EYS: variants seen among roughly 807,000 people sequenced by gnomAD.
EYS encodes the protein EGF-like photoreceptor maintenance factor.
Under a neutral mutation model 282.1 loss-of-function variants are expected in EYS, and 250 were observed. The ratio of observed to expected loss-of-function variants is 0.89; its 90% confidence interval spans 0.80 to 0.98. The LOEUF is 0.98. EYS is among the 50% of genes least tolerant of loss of function. EYS has a pLI of 0.00. For missense variants in EYS, 4,016 were observed against 3,709.0 expected (o/e 1.08, Z -2.15); for synonymous variants, 1,355 against 1,282.9 (o/e 1.06, Z -1.20).
chr6:64,020,687 A>G (rs965406705), intron 33 of EYS, among the ~76,000 whole-genome samples: 1 of 152,196 alleles, frequency 6.6e-6, no homozygotes, highest in Non-Finnish European at 1.5e-5. Context: ...TACTTATGAT[A>G]AAAAGAAATA....
At chr6:64,359,548 G>T (rs1041832695) in intron 29 of EYS, among the ~76,000 whole-genome samples, 1 of 151,568 alleles carries the variant, frequency 6.6e-6, no homozygotes, top group Non-Finnish European at 1.5e-5. Context: ...CAGTTCTTCG[G>T]CATCTGTAAC....
chr6:64,592,991 A>T (rs1766458023), intron 25 of EYS, 126 bp downstream of exon 25: 2 of 643,828 alleles, frequency 3.1e-6, no homozygotes, highest in African/African-American at 1.9e-5. Flanking sequence ...AATAATGCTT[A>T]ATTTTACACC....
rs899983170 is a variant in EYS at position 65,572,636 on chromosome 6, G to A, written c.-333+67142C>T. 3.9e-5 allele frequency among the ~76,000 whole-genome samples: 6 copies of A among 152,030 alleles called. No homozygotes were observed. In the East Asian group the frequency reaches 9.7e-4, roughly 24 times the overall value. ...TATAAGATGGTGATCAGAGCAACAGGCGATACCATGTAGTCTAGGTATGTA... is the reference window on the plus strand; with the variant it reads ...TATAAGATGGTGATCAGAGCAACAGACGATACCATGTAGTCTAGGTATGTA... On this transcript the variant is annotated intron_variant, in intron 2 of 42. Transcript: ENST00000503581.
rs149330407 is a variant in EYS, at chr6:65,287,653, C to T, written c.2023+8210G>A. 4.3e-3 allele frequency among the ~76,000 whole-genome samples: 652 copies of T among 151,324 alleles called. 2 individuals are homozygous for T. Among genetic ancestry groups the T allele is most frequent in the African/African-American group, 0.014 (582 of 41,438 alleles). On this transcript the variant is annotated intron_variant, in intron 12 of 42. Transcript: ENST00000503581. The stretch of plus-strand genomic sequence containing the variant: ...GATTCTGAAAAAAAACGAAACAAAA[C>T]GTGTTGTACTAAAGAGCTGCCATCT...
intron 26 of EYS, among the ~76,000 whole-genome samples, chr6:64,549,969 G>A (rs960637456): frequency 3.3e-5 from 5 of 151,986 alleles, no homozygotes; most frequent in Admixed American, 1.3e-4. Flanking sequence ...TCCCACCTAT[G>A]AGGGAGAACA....
intron 4 of EYS, among the ~76,000 whole-genome samples, chr6:65,492,349 AG>A (rs1441764447): frequency 4.7e-4 from 71 of 152,034 alleles, no homozygotes; most frequent in African/African-American, 1.6e-3. Context: ...ACAAACAAAG[AG>A]AAAGAAAGAA....
In EYS at chr6:64,634,547, CA is replaced by C. The variant is rs57871928; in HGVS notation, c.3444-8303del. On this transcript the variant is annotated intron_variant, in intron 22 of 42. Coordinates refer to ENST00000503581, the MANE Select transcript of EYS (RefSeq NM_001142800.2). ...ATACTCAGTAAGATACCCTAGCTTCCAAAAAAAAAAAAAAAGAGCCCTAAGG... is the reference window on the plus strand; with the variant it reads ...ATACTCAGTAAGATACCCTAGCTTCCAAAAAAAAAAAAAAGAGCCCTAAGG... Among the ~76,000 whole-genome samples the C allele has an allele frequency of 8.1e-4, 114 of 141,330 alleles. 1 individual carries two copies. The highest frequency in any genetic ancestry group is 3.8e-3 in the Middle Eastern group (1 of 266). The allele number at this position is 141,330 out of a possible 152,430, so 92.7% of individuals were successfully genotyped here.
intron 19 of EYS, among the ~76,000 whole-genome samples, chr6:64,841,082 A>G (rs1216072313): frequency 6.6e-6 from 1 of 152,116 alleles, no homozygotes; most frequent in Non-Finnish European, 1.5e-5. Context: ...ATCAAATTTT[A>G]CAGCCAAAGA....
At chr6:64,404,855 G>A (rs530301496) in intron 28 of EYS, among the ~76,000 whole-genome samples, 2 of 152,182 alleles carry the variant, frequency 1.3e-5, no homozygotes, top group South Asian at 2.1e-4. Context: ...AACGTAAGAA[G>A]GCATGAGTTG....
At chr6:64,122,004 G>A (rs75678956) in intron 31 of EYS, among the ~76,000 whole-genome samples, 7,439 of 152,032 alleles carry the variant, frequency 0.049, 560 homozygotes, top group African/African-American at 0.16. Flanking sequence ...ATTACTATTA[G>A]CATTATATTT....
intron 8 of EYS, among the ~76,000 whole-genome samples, chr6:65,364,274 T>C (rs4425574): frequency 0.68 from 100,282 of 148,542 alleles, 34,084 homozygotes; most frequent in South Asian, 0.71. Context: ...TTTTTCAATT[T>C]ATGGTAGAAC....
At chr6:64,870,140 G>A (rs986646744) in intron 19 of EYS, among the ~76,000 whole-genome samples, 3 of 151,528 alleles carry the variant, frequency 2.0e-5, no homozygotes, top group African/African-American at 7.3e-5. Flanking sequence ...CTTTACACAA[G>A]ATGAGTAGGA....
At chr6:63,776,752 A>G (rs190617357) in intron 40 of EYS, among the ~76,000 whole-genome samples, 1 of 152,256 alleles carries the variant, frequency 6.6e-6, no homozygotes, top group Non-Finnish European at 1.5e-5. Flanking sequence ...CACATGGAAT[A>G]ACGTAGGGTG....
At chr6:64,484,464 A>G (rs1776525185) in intron 26 of EYS, among the ~76,000 whole-genome samples, 2 of 151,582 alleles carry the variant, frequency 1.3e-5, no homozygotes, top group South Asian at 4.1e-4. Context: ...GCCCACTCCA[A>G]CGCTTTAACT....
At chr6:64,807,748 G>A (rs1406798692) in intron 22 of EYS, among the ~76,000 whole-genome samples, 1 of 152,000 alleles carries the variant, frequency 6.6e-6, no homozygotes, top group Non-Finnish European at 1.5e-5. Flanking sequence ...CCTGAAGTAT[G>A]GTTATAGAAT....
In EYS at chr6:63,721,616, T is replaced by G; in HGVS notation, c.8415A>C (p.Thr2805=). The G allele has an allele frequency of 6.4e-7, 1 of 1,551,460 alleles. No individual in the cohort carries two copies. The highest frequency in any genetic ancestry group is 8.7e-7 in the Non-Finnish European group (1 of 1,146,660). The change falls in exon 43 of 43, where the codon ACA becomes ACC. Residue 2805 remains threonine, a synonymous_variant. Coordinates refer to ENST00000503581, the MANE Select transcript of EYS (RefSeq NM_001142800.2). ...GYLDLDGINV[T]EKASTKMSSL... ...AACTCATTTTAGTGGAGGCCTTTTC[T>G]GTTACATTTATCCCATCTAGATCCA... is the stretch of plus-strand genomic sequence containing the variant.
chr6:63,911,230 A>C (rs1184572957), intron 35 of EYS, among the ~76,000 whole-genome samples: 1 of 152,180 alleles, frequency 6.6e-6, no homozygotes, highest in Non-Finnish European at 1.5e-5. Flanking sequence ...ACGCCAATAA[A>C]AATCTGAGGT....
chr6:64,662,392 A>T (rs1355526514), intron 22 of EYS, among the ~76,000 whole-genome samples: 3 of 152,146 alleles, frequency 2.0e-5, no homozygotes, highest in Non-Finnish European at 4.4e-5. Context: ...ATAAAAAAAG[A>T]TTATCATTTA....
chr6:65,362,350 C>T (rs572159405), intron 8 of EYS, among the ~76,000 whole-genome samples: 10 of 152,106 alleles, frequency 6.6e-5, no homozygotes, highest in African/African-American at 2.4e-4. Flanking sequence ...TTCCTAAAGG[C>T]AATACATTCT....
Sources: gnomAD v4.1 joint callset for allele counts (sites outside exome capture counted in the v4.1 genomes callset) on GRCh38, gnomAD v4.1.1 for gene constraint, MANE v1.5 for transcripts, NCBI Gene and HGNC (gene_info 2026-07-23, HGNC 2026-07-21) for gene names.